Variants in GPC5 observed in about 807,000 individuals in gnomAD.
GPC5 encodes the protein glypican 5.
In GPC5, 47 loss-of-function variants were observed where a neutral mutation model predicts 53.9. The ratio of observed to expected loss-of-function variants is 0.87; its 90% CI spans 0.69 to 1.11. GPC5 has a LOEUF of 1.11. GPC5 is among the 50% of genes most tolerant of loss of function. GPC5 has a pLI of 0.00. For synonymous variants in GPC5, 286 were observed against 263.3 expected (o/e 1.09, Z -0.84); for missense variants, 748 against 713.1 (o/e 1.05, Z -0.56).
chr13:91,542,521 T>C (rs2030004504), intron 2 of GPC5, among the ~76,000 whole-genome samples: 1 of 152,202 alleles, frequency 6.6e-6, no homozygotes, highest in South Asian at 2.1e-4. Context: ...GTGTTAGTTT[T>C]TGCATCAGAG....
chr13:91,410,699 C>T (rs988102244), intron 1 of GPC5, among the ~76,000 whole-genome samples: 2 of 152,132 alleles, frequency 1.3e-5, no homozygotes, highest in Admixed American at 1.3e-4. Flanking sequence ...CCCCTCACTC[C>T]CTCTCAAGGT....
chr13:92,540,995 A>G (rs921327741), intron 7 of GPC5, among the ~76,000 whole-genome samples: 1 of 151,890 alleles, frequency 6.6e-6, no homozygotes, highest in East Asian at 1.9e-4. Context: ...CATAGAACTC[A>G]TAGATTCCCA....
intron 7 of GPC5, among the ~76,000 whole-genome samples, chr13:92,457,164 A>G (rs1878301419): frequency 6.6e-6 from 1 of 152,084 alleles, no homozygotes; most frequent in Non-Finnish European, 1.5e-5. Flanking sequence ...CATGTTCTCC[A>G]AAGGAGATGA....
intron 5 of GPC5, among the ~76,000 whole-genome samples, chr13:91,777,812 C>G (rs777373792): frequency 6.6e-6 from 1 of 151,994 alleles, no homozygotes; most frequent in Non-Finnish European, 1.5e-5. Flanking sequence ...AAAAATACTT[C>G]TTAAAATCCC....
intron 2 of GPC5, among the ~76,000 whole-genome samples, chr13:91,616,774 G>C (rs999106229): frequency 6.6e-6 from 1 of 152,062 alleles, no homozygotes; most frequent in Non-Finnish European, 1.5e-5. Flanking sequence ...TATAAATTTA[G>C]AACATTAGTA....
intron 4 of GPC5, among the ~76,000 whole-genome samples, chr13:91,730,628 G>T: frequency 6.6e-6 from 1 of 152,254 alleles, no homozygotes; most frequent in South Asian, 2.1e-4. Context: ...ACTTCAGATA[G>T]CACTGAATAA....
chr13:92,265,369 A>T (rs1219908919), intron 7 of GPC5, among the ~76,000 whole-genome samples: 2 of 152,046 alleles, frequency 1.3e-5, no homozygotes, highest in Non-Finnish European at 2.9e-5. Context: ...TTAGTTCATC[A>T]CTCTTAAATT....
chr13:92,119,680 A>G (rs113782105), intron 6 of GPC5, among the ~76,000 whole-genome samples: 41 of 146,018 alleles, frequency 2.8e-4, no homozygotes, highest in African/African-American at 9.3e-4. Context: ...TCGGCCTCCC[A>G]AAGTGCTGGG....
At chr13:91,414,444 A>G (rs905941126) in intron 1 of GPC5, among the ~76,000 whole-genome samples, 6 of 152,258 alleles carry the variant, frequency 3.9e-5, no homozygotes, top group Non-Finnish European at 8.8e-5. Flanking sequence ...AGTTCTTTAT[A>G]GCAGTATGAA....
In GPC5 at chr13:92,690,905, G is replaced by T. The variant is rs1341892564; in HGVS notation, c.1562-175377G>T. ...GGGGTCAGGGGTCAGGGACCCACTT[G>T]AGGAGGCAGTCTGCCCATTCTCAGA... On this transcript the variant is annotated intron_variant, in intron 7 of 7. Coordinates refer to ENST00000377067, the MANE Select transcript of GPC5 (RefSeq NM_004466.6). Among the ~76,000 whole-genome samples the T allele has an allele frequency of 6.3e-5, 4 of 63,164 alleles. 1 individual carries two copies. Among genetic ancestry groups the T allele is most frequent in the Middle Eastern group, 4.7e-3 (1 of 212 alleles). The allele number at this position is 63,164 out of a possible 152,430, so 41.4% of individuals were successfully genotyped here. A position where few individuals can be genotyped will look rare whatever the true frequency, so the allele number is the denominator to read the frequency against.
intron 7 of GPC5, among the ~76,000 whole-genome samples, chr13:92,168,915 A>G (rs2042050052): frequency 6.6e-6 from 1 of 152,230 alleles, no homozygotes; most frequent in African/African-American, 2.4e-5. Flanking sequence ...CACAATAGCA[A>G]AGACATAGAA....
chr13:92,079,264 C>T (rs2041276318), intron 6 of GPC5, among the ~76,000 whole-genome samples: 1 of 152,050 alleles, frequency 6.6e-6, no homozygotes, highest in Non-Finnish European at 1.5e-5. Flanking sequence ...GTTGGCCAGG[C>T]TGGTCTCGAA....
chr13:92,193,870 G>A (rs1330978), intron 7 of GPC5, among the ~76,000 whole-genome samples: 121,674 of 152,164 alleles, frequency 0.8, 48,753 homozygotes, highest in East Asian at 0.99. Context: ...ACAGCTTTTT[G>A]TTGCACAGGT....
rs187202068 is a variant in GPC5, at chr13:92,302,752, T to C, written c.1561+157763T>C. The stretch of plus-strand genomic sequence containing the variant: ...CCTGGACTAAACCCTCTTGTTTTAA[T>C]TCAAAACATCTTGATTCCCTGGGGA... On this transcript the variant is annotated intron_variant, in intron 7 of 7. Coordinates refer to ENST00000377067, the MANE Select transcript of GPC5 (RefSeq NM_004466.6). 2.1e-3 allele frequency among the ~76,000 whole-genome samples: 325 copies of C among 152,324 alleles called. 1 individual carries two copies. The South Asian group carries it at 0.024, about 11-fold the overall frequency.
At chr13:91,656,833 T>C (rs2034856899) in intron 2 of GPC5, among the ~76,000 whole-genome samples, 1 of 152,182 alleles carries the variant, frequency 6.6e-6, no homozygotes, top group Admixed American at 6.6e-5. Flanking sequence ...AATTACATAA[T>C]GTTTGTCCAT....
At chr13:91,577,540 C>A (rs1239020604) in intron 2 of GPC5, among the ~76,000 whole-genome samples, 4 of 152,132 alleles carry the variant, frequency 2.6e-5, no homozygotes, top group Non-Finnish European at 5.9e-5. Context: ...TGATGCCTTC[C>A]TATGCAGTTG....
At chr13:91,593,639 A>G (rs1304681420) in intron 2 of GPC5, among the ~76,000 whole-genome samples, 2 of 152,132 alleles carry the variant, frequency 1.3e-5, no homozygotes, top group East Asian at 1.9e-4. Flanking sequence ...ACTGACTTAC[A>G]GATGTTGCTT....
At chr13:92,660,187 T>C (rs1322830624) in intron 7 of GPC5, among the ~76,000 whole-genome samples, 1 of 152,196 alleles carries the variant, frequency 6.6e-6, no homozygotes, top group African/African-American at 2.4e-5. Context: ...TTACCTATAG[T>C]ACATTTTGTT....
intron 4 of GPC5, among the ~76,000 whole-genome samples, chr13:91,745,645 G>C (rs971276179): frequency 2.0e-5 from 3 of 152,112 alleles, no homozygotes; most frequent in Non-Finnish European, 2.9e-5. Flanking sequence ...CTTTGAGAAA[G>C]GTGCCTATCT....
Sources: gnomAD v4.1 joint callset for allele counts (sites outside exome capture counted in the v4.1 genomes callset) on GRCh38, gnomAD v4.1.1 for gene constraint, MANE v1.5 for transcripts, NCBI Gene and HGNC (gene_info 2026-07-23, HGNC 2026-07-21) for gene names.